The following CTNND2 variants were observed in gnomAD, a reference collection of about 807,000 sequenced individuals.
CTNND2 encodes the protein catenin delta 2.
A neutral mutation model predicts 144.4 loss-of-function variants in CTNND2; 22 were observed. That is an observed-to-expected ratio of 0.15 (90% CI 0.11 to 0.22). The LOEUF is 0.22. Among genes scored for constraint, CTNND2 ranks in the 10% least tolerant of loss-of-function variants. The pLI, the probability that CTNND2 is intolerant of heterozygous loss-of-function variation, is 1.00. For synonymous variants in CTNND2, 751 were observed against 695.6 expected (o/e 1.08, Z -1.25); for missense variants, 1,353 against 1,618.8 (o/e 0.84, Z 2.82).
chr5:11,170,643 A>T (rs924128737), intron 11 of CTNND2, among the ~76,000 whole-genome samples: 3 of 152,142 alleles, frequency 2.0e-5, no homozygotes, highest in African/African-American at 7.2e-5. Context: ...GAAACATCAG[A>T]TTGAGATTTG....
At chr5:11,729,929 T>A (rs1274889810) in intron 2 of CTNND2, among the ~76,000 whole-genome samples, 3 of 152,190 alleles carry the variant, frequency 2.0e-5, no homozygotes, top group Admixed American at 1.3e-4. Context: ...ATGTCCCCAA[T>A]GGGTGCATTA....
chr5:11,871,399 C>T (rs1252581463), intron 1 of CTNND2, among the ~76,000 whole-genome samples: 2 of 152,052 alleles, frequency 1.3e-5, no homozygotes, highest in East Asian at 3.9e-4. Flanking sequence ...CCCTGTCTAA[C>T]AGGATTATTA....
chr5:11,690,768 A>G (rs1426766871), intron 2 of CTNND2, among the ~76,000 whole-genome samples: 2 of 148,462 alleles, frequency 1.3e-5, no homozygotes, highest in African/African-American at 5.1e-5. Context: ...AAAAAAAAAA[A>G]AAAAAAGAAA....
chr5:11,514,508 G>A lies in CTNND2; in HGVS notation c.287+50436C>T, dbSNP rs148202497. Among the ~76,000 whole-genome samples, 68 of 152,200 alleles carry A rather than the reference G, an allele frequency of 4.5e-4. 3 individuals are homozygous for A. The South Asian group carries it at 0.013, about 30-fold the overall frequency. ...ACGATTTAAAAATCATTTTCTGTAC[G>A]TATAATTGCACAACACATTTCATGG... On this transcript the variant is annotated intron_variant, in intron 3 of 21. Coordinates refer to ENST00000304623, the MANE Select transcript of CTNND2 (RefSeq NM_001332.4).
At chr5:11,524,922 T>C (rs1428931923) in intron 3 of CTNND2, among the ~76,000 whole-genome samples, 2 of 152,204 alleles carry the variant, frequency 1.3e-5, no homozygotes, top group Admixed American at 6.5e-5. Flanking sequence ...TATAAAAATA[T>C]GCTATGTTCA....
intron 12 of CTNND2, among the ~76,000 whole-genome samples, chr5:11,123,473 C>T (rs1754347912): frequency 6.6e-6 from 1 of 152,208 alleles, no homozygotes; most frequent in Non-Finnish European, 1.5e-5. Context: ...CTAACCATCC[C>T]ACAATGCTCA....
At chr5:11,156,563 C>G (rs1758237796) in intron 12 of CTNND2, among the ~76,000 whole-genome samples, 1 of 151,826 alleles carries the variant, frequency 6.6e-6, no homozygotes, top group African/African-American at 2.4e-5. Flanking sequence ...CAGAAGCAAA[C>G]CAAAAATATC....
At chr5:11,616,964 A>C (rs887311814) in intron 2 of CTNND2, among the ~76,000 whole-genome samples, 1 of 152,114 alleles carries the variant, frequency 6.6e-6, no homozygotes, top group Non-Finnish European at 1.5e-5. Context: ...CTCAAAATGC[A>C]GCCTTTCTCC....
Position 11,430,244 on chromosome 5 carries a change from G to C in CTNND2, c.288-18175C>G, listed in dbSNP as rs1427290848. On this transcript the variant is annotated intron_variant, in intron 3 of 21. Coordinates refer to ENST00000304623, the MANE Select transcript of CTNND2 (RefSeq NM_001332.4). ...AGCCTGGGCAACAGGGTTAGACTCCGTCTCAAAAAAAAAAAAAAAAAAAAA... is the reference window on the plus strand; with the variant it reads ...AGCCTGGGCAACAGGGTTAGACTCCCTCTCAAAAAAAAAAAAAAAAAAAAA... 4.1e-5 allele frequency among the ~76,000 whole-genome samples: 4 copies of C among 97,822 alleles called. No individual in the cohort carries two copies. The Admixed American group carries it at 4.2e-4, about 10-fold the overall frequency. The allele number at this position is 97,822 out of a possible 152,430, so 64.2% of individuals were successfully genotyped here.
At chr5:11,405,517 C>T (rs1010711217) in intron 5 of CTNND2, among the ~76,000 whole-genome samples, 2 of 150,860 alleles carry the variant, frequency 1.3e-5, no homozygotes, top group Admixed American at 6.6e-5. Context: ...AGGAGATAGA[C>T]GTTGCAGTGA....
chr5:11,772,048 C>T (rs1789973396), intron 1 of CTNND2, among the ~76,000 whole-genome samples: 1 of 152,140 alleles, frequency 6.6e-6, no homozygotes, highest in Non-Finnish European at 1.5e-5. Context: ...ATATCTTGGC[C>T]ATGTTTACTT....
At chr5:11,597,590 T>C (rs950998266) in intron 2 of CTNND2, among the ~76,000 whole-genome samples, 4 of 152,190 alleles carry the variant, frequency 2.6e-5, no homozygotes, top group Non-Finnish European at 5.9e-5. Flanking sequence ...ATTCTTTTTT[T>C]TTTTTGAAAC....
intron 3 of CTNND2, among the ~76,000 whole-genome samples, chr5:11,447,042 C>T (rs2149904531): frequency 6.6e-6 from 1 of 152,176 alleles, no homozygotes; most frequent in African/African-American, 2.4e-5. Flanking sequence ...GTTCTTTAAC[C>T]CCCTTCCCGG....
At position 11,098,655 on chromosome 5, in the gene CTNND2, G is replaced by C. The variant is rs771363191; in HGVS notation, c.2557C>G (p.Leu853Val). The C allele has an allele frequency of 6.2e-7, 1 of 1,614,192 alleles. No individual in the cohort carries two copies. The highest frequency in any genetic ancestry group is 8.5e-7 in the Non-Finnish European group (1 of 1,180,020). ...TCTGGATTTGAGCACTCAGAGAGCA[G>C]TGTGAGGTAGGGTTTGACTATTGAT... ...HPSIVKPYLT[L>V]LSECSNPDTL... The change falls in exon 15 of 22, where the codon CTG becomes GTG. Residue 853 changes from leucine (L) to valine (V), a missense_variant. Physicochemically the swap from Leu to Val is conservative, Grantham distance 32. This residue lies in a region of CTNND2 where 459 missense variants were observed against 674.3 expected (regional missense o/e 0.68). Transcript: ENST00000304623.
At chr5:11,868,021 G>A (rs1442174121) in intron 1 of CTNND2, among the ~76,000 whole-genome samples, 3 of 151,770 alleles carry the variant, frequency 2.0e-5, no homozygotes, top group Non-Finnish European at 4.4e-5. Flanking sequence ...CCCTGATGGC[G>A]AAGCAGGGGC....
At chr5:11,723,201 A>G (rs368211055) in intron 2 of CTNND2, among the ~76,000 whole-genome samples, 44 of 152,290 alleles carry the variant, frequency 2.9e-4, no homozygotes, top group African/African-American at 1.1e-3. Context: ...TCATGTACTA[A>G]TATGGTAGGT....
At chr5:11,886,336 T>C (rs1736529078) in intron 1 of CTNND2, among the ~76,000 whole-genome samples, 1 of 151,980 alleles carries the variant, frequency 6.6e-6, no homozygotes, top group African/African-American at 2.4e-5. Context: ...AATAACCAAA[T>C]AAAACCAGAA....
intron 5 of CTNND2, among the ~76,000 whole-genome samples, chr5:11,404,721 G>A (rs572654307): frequency 2.2e-4 from 32 of 142,386 alleles, no homozygotes; most frequent in African/African-American, 6.3e-4. Context: ...AGGTTCAAGC[G>A]ATTCTCCTGC....
intron 9 of CTNND2, among the ~76,000 whole-genome samples, chr5:11,284,187 C>T (rs1350199788): frequency 6.6e-6 from 1 of 152,216 alleles, no homozygotes; most frequent in African/African-American, 2.4e-5. Context: ...CATCTGACAG[C>T]ACTCCAGGGT....
Sources: gnomAD v4.1 joint callset for allele counts (sites outside exome capture counted in the v4.1 genomes callset) on GRCh38, gnomAD v4.1.1 for gene constraint, gnomAD v4.1.1 regional missense constraint, MANE v1.5 for transcripts, NCBI Gene and HGNC (gene_info 2026-07-23, HGNC 2026-07-21) for gene names.